The following SH3BP1 variants were observed in gnomAD, a reference collection of about 807,000 sequenced individuals.
The protein encoded by SH3BP1 is SH3 domain binding protein 1.
SH3BP1 carries 46 observed loss-of-function variants against 69.8 expected under a neutral mutation model. The observed-to-expected ratio is 0.66, with a 90% CI of 0.52 to 0.84. The LOEUF is 0.84. SH3BP1 is among the 40% of genes least tolerant of loss of function. SH3BP1 has a pLI of 0.00. For missense variants in SH3BP1, 868 were observed against 930.9 expected (o/e 0.93, Z 0.88); for synonymous variants, 403 against 378.0 (o/e 1.07, Z -0.77).
intron 7 of SH3BP1, 95 bp downstream of exon 7, chr22:37,643,883 C>T: frequency 1.3e-6 from 2 of 1,494,300 alleles, no homozygotes; most frequent in Non-Finnish European, 1.8e-6. Flanking sequence ...AGAGAGGTGA[C>T]ATGACTTGCC....
In SH3BP1 at chr22:37,653,807, G is replaced by A; in HGVS notation, c.1627G>A (p.Ala543Thr). 4 of 1,608,274 alleles carry A rather than the reference G, an allele frequency of 2.5e-6. No individual in the cohort carries two copies. The highest frequency in any genetic ancestry group is 3.4e-6 in the Non-Finnish European group (4 of 1,176,772). ...AGAGTCTGAGGTGCCTCCCAGACCA[G>A]CCTCCCCCAAGGTCACCAGGAGTCC... ...RTESEVPPRP[A>T]SPKVTRSPPE... The change falls in exon 17 of 18, where the codon GCC becomes ACC. Residue 543 changes from alanine (A) to threonine (T), a missense_variant. Physicochemically the swap from Ala to Thr is moderately conservative, Grantham distance 58 (BLOSUM62 0). Around this residue, in one of 3 missense-constraint regions of SH3BP1, gnomAD observed 474 missense variants for 462.3 expected, o/e 1.03. Transcript: ENST00000649765.
At position 37,641,485 on chromosome 22, in the gene SH3BP1, G is replaced by A. The variant is rs1052751253; in HGVS notation, c.207+7G>A. 2.6e-6 allele frequency: 4 copies of A among 1,545,660 alleles called. No individual in the cohort carries two copies. Among genetic ancestry groups the A allele is most frequent in the Non-Finnish European group, 3.5e-6 (4 of 1,144,010 alleles). On this transcript the variant is annotated splice_region_variant and intron_variant, in intron 3 of 17. Transcript: ENST00000649765. ...AGACATGGACAAGCGGGTGGTGAGT[G>A]GGGGGTCCCGGGAAGGAGGGGCCTG...
In SH3BP1 at chr22:37,643,163, A is replaced by G. The variant is rs1338267021; in HGVS notation, c.462A>G (p.Thr154=). The change falls in exon 6 of 18, where the codon ACA becomes ACG. Residue 154 remains threonine (T), a synonymous_variant. Transcript: ENST00000649765. ...SLQKLVSDWN[T]LKSRLSQATK... is the part of the protein sequence containing the mutation. ...AGAAGCTCGTGTCCGACTGGAACAC[A>G]CTCAAGAGCAGGTGGGAGCCCCAGC... is the stretch of plus-strand genomic sequence containing the variant. 2 of 1,601,802 alleles carry G rather than the reference A, an allele frequency of 1.2e-6. No individual in the cohort carries two copies. The highest frequency in any genetic ancestry group is 1.7e-6 in the Non-Finnish European group (2 of 1,174,722).
At chr22:37,641,929 C>G in intron 3 of SH3BP1, 1 of 180,198 alleles carries the variant, frequency 5.5e-6, no homozygotes, top group Non-Finnish European at 1.2e-5. Context: ...TAGGGGCAGG[C>G]ATTGCTTTAC....
rs754878944 is a variant in SH3BP1, at chr22:37,643,735, G to A, written c.565G>A (p.Glu189Lys). 1 of 1,613,994 alleles carries A rather than the reference G, an allele frequency of 6.2e-7. No individual in the cohort carries two copies. The highest frequency in any genetic ancestry group is 8.5e-7 in the Non-Finnish European group (1 of 1,180,018). ...HSHTTMANKV[E>K]TLKEEEEELK... Reference sequence around the variant, plus strand: ...CCATACGACCATGGCCAACAAGGTGGAGACGCTGAAGGAGGAGGAGGAGGA... The same window carrying A: ...CCATACGACCATGGCCAACAAGGTGAAGACGCTGAAGGAGGAGGAGGAGGA... The change falls in exon 7 of 18, where the codon GAG (glutamate) becomes AAG (lysine). Residue 189 changes from glutamate (E) to lysine (K), a missense_variant. Coordinates refer to ENST00000649765, the MANE Select transcript of SH3BP1 (RefSeq NM_018957.6).
rs1245884548 is a variant in SH3BP1 at position 37,648,423 on chromosome 22, C to T, written c.1304C>T (p.Pro435Leu). Residue 435 changes from proline (P) to leucine (L), a missense_variant, in exon 14 of 18, where the codon CCT becomes CTT. Transcript: ENST00000649765. ...IVLGPNLLWP[P>L]EKEGDQAQLD... Reference sequence around the variant, plus strand: ...CTGGGACCCAACTTGCTGTGGCCACCTGAGAAAGAAGGGTGAGGGGCCGCG... The same window carrying T: ...CTGGGACCCAACTTGCTGTGGCCACTTGAGAAAGAAGGGTGAGGGGCCGCG... The T allele has an allele frequency of 1.3e-6, 2 of 1,565,488 alleles. No homozygotes were observed. Among genetic ancestry groups the T allele is most frequent in the African/African-American group, 1.3e-5 (1 of 74,264 alleles).
At chr22:37,650,273 G>A (rs758528920) in intron 15 of SH3BP1, 24 bp downstream of exon 15, 10 of 1,577,036 alleles carry the variant, frequency 6.3e-6, no homozygotes, top group East Asian at 2.3e-5. Context: ...CTGCATGGAC[G>A]CCCTGCTGGG....
chr22:37,644,807 A>G, intron 8 of SH3BP1, 63 bp from the exon 9 acceptor site: 1 of 1,605,638 alleles, frequency 6.2e-7, no homozygotes, highest in Non-Finnish European at 8.5e-7. Flanking sequence ...GTCTGCTCTC[A>G]AGGACCCTAT....
intron 1 of SH3BP1, 66 bp downstream of exon 1, chr22:37,639,912 G>T (rs1601578519): frequency 8.1e-7 from 1 of 1,233,310 alleles, no homozygotes; most frequent in Non-Finnish European, 1.1e-6. Flanking sequence ...TAAAAGGGTC[G>T]GGGGAGACGG....
chr22:37,647,508 C>G lies in SH3BP1; in HGVS notation c.1186C>G (p.Leu396Val), dbSNP rs773386030. ...EVCSRLPPEN[L>V]SNLRYLMKFL... ...GTGCAGCCGCCTACCCCCCGAGAACCTCAGCAACCTCAGGTGAGCCCGAGC... is the reference window on the plus strand; with the variant it reads ...GTGCAGCCGCCTACCCCCCGAGAACGTCAGCAACCTCAGGTGAGCCCGAGC... Residue 396 changes from leucine to valine, a missense_variant, in exon 13 of 18, where the codon CTC becomes GTC. Around this residue, in one of 3 missense-constraint regions of SH3BP1, gnomAD observed 474 missense variants for 462.3 expected, o/e 1.03. Transcript: ENST00000649765. 6 of 1,603,928 alleles carry G rather than the reference C, an allele frequency of 3.7e-6. No homozygotes were observed. The highest frequency in any genetic ancestry group is 5.1e-6 in the Non-Finnish European group (6 of 1,179,304).
intron 16 of SH3BP1, among the ~76,000 whole-genome samples, chr22:37,651,834 A>G (rs1396512314): frequency 6.6e-6 from 1 of 151,178 alleles, no homozygotes. Flanking sequence ...TTCTCTCTAT[A>G]GTGTCAGGTG....
rs965035027 is a variant in SH3BP1, at chr22:37,642,628, G to A, written c.284+13G>A. 1.2e-5 allele frequency: 20 copies of A among 1,613,108 alleles called. No individual in the cohort carries two copies. The highest frequency in any genetic ancestry group is 5.0e-5 in the Admixed American group (3 of 59,998). Reference sequence around the variant, plus strand: ...ATTCCAGCATGGGGTGAGCACAGACGGGGCCCAGCCCTCACCTGGGGATAC... The same window carrying A: ...ATTCCAGCATGGGGTGAGCACAGACAGGGCCCAGCCCTCACCTGGGGATAC... On this transcript the variant is annotated intron_variant, in intron 4 of 17. Coordinates refer to ENST00000649765, the MANE Select transcript of SH3BP1 (RefSeq NM_018957.6).
At chr22:37,649,868 C>A (rs149545858) in intron 14 of SH3BP1, 35 of 532,536 alleles carry the variant, frequency 6.6e-5, no homozygotes, top group Middle Eastern at 1.0e-3. Context: ...CCACAGATGG[C>A]AAGATTTCCT....
Position 37,646,883 on chromosome 22 carries a change from C to A in SH3BP1, c.990C>A (p.Asp330Glu). 6.4e-7 allele frequency: 1 copy of A among 1,563,554 alleles called. No individual in the cohort carries two copies. Among genetic ancestry groups the A allele is most frequent in the Admixed American group, 1.9e-5 (1 of 53,162 alleles). ...LKRLKQTMAS[D>E]PHSLEEFCSD... ...GTCTCAAGCAGACAATGGCCTCGGA[C>A]CCCCACAGCCTGGAGGAGTTCTGCT... The change falls in exon 11 of 18, where the codon GAC (aspartate) becomes GAA (glutamate). Residue 330 changes from aspartate (D) to glutamate (E), a missense_variant. This residue lies in a region of SH3BP1 where 387 missense variants were observed against 447.9 expected (regional missense o/e 0.86). Transcript: ENST00000649765.
At chr22:37,653,987 GATA>G in intron 17 of SH3BP1, 114 bp downstream of exon 17, 2 of 758,734 alleles carry the variant, frequency 2.6e-6, no homozygotes, top group Non-Finnish European at 4.4e-6. Context: ...GAGTCAAGGT[GATA>G]AAGAGCCCAG....
At chr22:37,653,985 G>A in intron 17 of SH3BP1, 112 bp downstream of exon 17, 1 of 768,484 alleles carries the variant, frequency 1.3e-6, no homozygotes, top group East Asian at 2.7e-5. Flanking sequence ...AGGAGTCAAG[G>A]TGATAAAGAG....
chr22:37,649,925 A>G, intron 14 of SH3BP1: 3 of 645,940 alleles, frequency 4.6e-6, no homozygotes, highest in Non-Finnish European at 8.6e-6. Flanking sequence ...CCAGATCACA[A>G]CTATGAGGAA....
At chr22:37,646,723 C>A in intron 10 of SH3BP1, 95 bp from the exon 11 acceptor site, 1 of 662,014 alleles carries the variant, frequency 1.5e-6, no homozygotes, top group Non-Finnish European at 2.4e-6. Flanking sequence ...ACAGGCCTAG[C>A]AAAGGCCAGT....
chr22:37,643,712 A>G lies in SH3BP1; in HGVS notation c.542A>G (p.His181Arg). 1 of 1,614,098 alleles carries G rather than the reference A, an allele frequency of 6.2e-7. No individual in the cohort carries two copies. Among genetic ancestry groups the G allele is most frequent in the Non-Finnish European group, 8.5e-7 (1 of 1,180,028 alleles). Reference protein sequence around the residue: ...GLGGSPGSHSHTTMANKVETL... With the variant: ...GLGGSPGSHSRTTMANKVETL... Reference sequence around the variant, plus strand: ...GGAGGCAGCCCGGGTAGTCACAGCCATACGACCATGGCCAACAAGGTGGAG... The same window carrying G: ...GGAGGCAGCCCGGGTAGTCACAGCCGTACGACCATGGCCAACAAGGTGGAG... Residue 181 changes from histidine to arginine, a missense_variant, in exon 7 of 18, where the codon CAT (histidine) becomes CGT (arginine). Physicochemically the swap from His to Arg is conservative, Grantham distance 29. Transcript: ENST00000649765.
Sources: allele counts gnomAD v4.1 joint callset (sites outside exome capture counted in the v4.1 genomes callset), GRCh38; gene constraint gnomAD v4.1.1; regional missense constraint gnomAD v4.1.1; transcripts MANE v1.5; gene names NCBI Gene and HGNC (gene_info 2026-07-23, HGNC 2026-07-21).